THSD7A: variants seen among roughly 807,000 people sequenced by gnomAD.
THSD7A encodes the protein thrombospondin type 1 domain containing 7A.
A neutral mutation model predicts 231.3 loss-of-function variants in THSD7A; 96 were observed. The ratio of observed to expected loss-of-function variants is 0.41; its 90% confidence interval spans 0.35 to 0.49. The LOEUF (loss-of-function observed/expected upper bound fraction) is 0.49. Among genes scored for constraint, THSD7A ranks in the 20% least tolerant of loss-of-function variants. The pLI, the probability that THSD7A is intolerant of heterozygous loss-of-function variation, is 0.05. For missense variants in THSD7A, 2,290 were observed against 2,070.2 expected (o/e 1.11, Z -2.06); for synonymous variants, 940 against 743.3 (o/e 1.26, Z -4.30).
At position 11,501,248 on chromosome 7, in the gene THSD7A, C is replaced by T. The variant is rs1287799110; in HGVS notation, c.1823-19266G>A. On this transcript the variant is annotated intron_variant, in intron 6 of 27. Coordinates refer to ENST00000423059, the MANE Select transcript of THSD7A (RefSeq NM_015204.3). ...GAGGCAGAATATCAATAAAGATATT[C>T]AGGACCTAAACTCAGCATTGGACCA... 3.9e-5 allele frequency among the ~76,000 whole-genome samples: 6 copies of T among 152,288 alleles called. No homozygotes were observed. In the East Asian group the frequency reaches 5.8e-4, roughly 15 times the overall value.
chr7:11,401,931 C>T lies in THSD7A; in HGVS notation c.4275G>A (p.Leu1425=). ...CYLKDWSSWS[L]CQLTCVNGED... The stretch of plus-strand genomic sequence containing the variant: ...CACCATTCACACAGGTCAGCTGACA[C>T]AGGCTCCAGGAAGACCAGTCCTTCA... Residue 1425 remains leucine (L), a synonymous_variant, in exon 23 of 28, where the codon CTG becomes CTA. Coordinates refer to ENST00000423059, the MANE Select transcript of THSD7A (RefSeq NM_015204.3). 1 of 1,613,628 alleles carries T rather than the reference C, an allele frequency of 6.2e-7. No homozygotes were observed. Among genetic ancestry groups the T allele is most frequent in the East Asian group, 2.2e-5 (1 of 44,846 alleles).
chr7:11,452,956 G>T (rs1389021006), intron 11 of THSD7A, among the ~76,000 whole-genome samples: 1 of 151,938 alleles, frequency 6.6e-6, no homozygotes, highest in Non-Finnish European at 1.5e-5. Flanking sequence ...AATTACGTCT[G>T]TATAAAATTT....
rs183765785 is a variant in THSD7A at position 11,619,397 on chromosome 7, C to T, written c.1022+16733G>A. 2.1e-4 allele frequency among the ~76,000 whole-genome samples: 31 copies of T among 146,560 alleles called. 1 individual carries two copies. Among genetic ancestry groups the T allele is most frequent in the Admixed American group, 8.8e-4 (13 of 14,790 alleles). On this transcript the variant is annotated intron_variant, in intron 2 of 27. Coordinates refer to ENST00000423059, the MANE Select transcript of THSD7A (RefSeq NM_015204.3). ...GAATAAACAGTAATTTCTTTTCTTA[C>T]TGTACTTTTTTTTTTTTTTTTTGCT...
chr7:11,759,982 C>T (rs189015843), intron 1 of THSD7A, among the ~76,000 whole-genome samples: 1 of 151,802 alleles, frequency 6.6e-6, no homozygotes, highest in African/African-American at 2.4e-5. Context: ...ATAAGAATAT[C>T]TAATATTAAG....
chr7:11,418,724 C>T (rs1226782975), intron 16 of THSD7A, among the ~76,000 whole-genome samples: 3 of 152,080 alleles, frequency 2.0e-5, no homozygotes, highest in African/African-American at 7.2e-5. Flanking sequence ...ATGTCCTTTC[C>T]CTGTGGGATA....
chr7:11,791,116 A>G (rs1243070481), intron 1 of THSD7A, among the ~76,000 whole-genome samples: 1 of 151,990 alleles, frequency 6.6e-6, no homozygotes. Context: ...TTAAAACTTC[A>G]ATTTCTGTGG....
chr7:11,471,934 T>TA, intron 8 of THSD7A, among the ~76,000 whole-genome samples: 1 of 152,254 alleles, frequency 6.6e-6, no homozygotes, highest in African/African-American at 2.4e-5. Flanking sequence ...GAGAGAGCAT[T>TA]ACTCAGTTGC....
At chr7:11,387,832 A>G (rs760341730) in intron 23 of THSD7A, among the ~76,000 whole-genome samples, 1 of 151,930 alleles carries the variant, frequency 6.6e-6, no homozygotes, top group Non-Finnish European at 1.5e-5. Flanking sequence ...TCAGTATGGT[A>G]TTGGCTGTGG....
intron 1 of THSD7A, among the ~76,000 whole-genome samples, chr7:11,780,611 T>C (rs1485643207): frequency 6.6e-6 from 1 of 152,140 alleles, no homozygotes; most frequent in Non-Finnish European, 1.5e-5. Context: ...TATAGCCCCA[T>C]CTAGGCTCTT....
chr7:11,663,552 G>T (rs1041196475), intron 1 of THSD7A, among the ~76,000 whole-genome samples: 1 of 151,540 alleles, frequency 6.6e-6, no homozygotes, highest in African/African-American at 2.4e-5. Flanking sequence ...TGTAGAGTCA[G>T]AAATAACCTT....
At chr7:11,726,727 G>A (rs1380822024) in intron 1 of THSD7A, among the ~76,000 whole-genome samples, 1 of 152,010 alleles carries the variant, frequency 6.6e-6, no homozygotes, top group Non-Finnish European at 1.5e-5. Flanking sequence ...AATACCATGT[G>A]AATCCTGAGC....
At chr7:11,764,540 G>A (rs1447742239) in intron 1 of THSD7A, among the ~76,000 whole-genome samples, 8 of 147,468 alleles carry the variant, frequency 5.4e-5, no homozygotes, top group South Asian at 2.2e-4. Flanking sequence ...ACTGCAGTCC[G>A]GCCTGGGTGA....
At chr7:11,592,546 A>G (rs559003285) in intron 3 of THSD7A, among the ~76,000 whole-genome samples, 8 of 152,356 alleles carry the variant, frequency 5.3e-5, no homozygotes, top group African/African-American at 1.9e-4. Context: ...AATGAGTCTT[A>G]TTTAATCTGA....
intron 2 of THSD7A, among the ~76,000 whole-genome samples, chr7:11,631,130 G>C (rs916451342): frequency 1.3e-5 from 2 of 152,178 alleles, no homozygotes; most frequent in African/African-American, 4.8e-5. Flanking sequence ...CACCAGATTG[G>C]GATAATCCAA....
At chr7:11,729,900 G>C (rs1781669939) in intron 1 of THSD7A, among the ~76,000 whole-genome samples, 1 of 151,618 alleles carries the variant, frequency 6.6e-6, no homozygotes, top group Non-Finnish European at 1.5e-5. Context: ...GTAGGTTTTA[G>C]ATGCATTTGC....
At chr7:11,507,630 G>T (rs1400565640) in intron 6 of THSD7A, among the ~76,000 whole-genome samples, 1 of 146,480 alleles carries the variant, frequency 6.8e-6, no homozygotes. Flanking sequence ...TTAACTGCTG[G>T]AGTTGTTACA....
chr7:11,609,547 T>G (rs1780851952), intron 2 of THSD7A, among the ~76,000 whole-genome samples: 1 of 152,122 alleles, frequency 6.6e-6, no homozygotes, highest in African/African-American at 2.4e-5. Flanking sequence ...GCAATTCTGC[T>G]TCACATGAAA....
intron 26 of THSD7A, chr7:11,378,748 C>T (rs1048892154): frequency 3.4e-6 from 1 of 295,300 alleles, no homozygotes; most frequent in Non-Finnish European, 6.4e-6. Flanking sequence ...AATGACAACA[C>T]ATTTTTTAAA....
chr7:11,645,988 T>C (rs916509296), intron 1 of THSD7A, among the ~76,000 whole-genome samples: 3 of 151,944 alleles, frequency 2.0e-5, no homozygotes, highest in African/African-American at 7.2e-5. Context: ...AATGAAAAGT[T>C]CCCAATTTTT....
Sources: gnomAD v4.1 joint callset for allele counts (sites outside exome capture counted in the v4.1 genomes callset) on GRCh38, gnomAD v4.1.1 for gene constraint, MANE v1.5 for transcripts, NCBI Gene and HGNC (gene_info 2026-07-23, HGNC 2026-07-21) for gene names.